TAFA4: variants seen among roughly 807,000 people sequenced by gnomAD.
TAFA4 encodes the protein TAFA chemokine like family member 4.
Under a neutral mutation model 21.1 loss-of-function variants are expected in TAFA4, and 20 were observed. The ratio of observed to expected loss-of-function variants is 0.95; its 90% confidence interval spans 0.67 to 1.38. The LOEUF (loss-of-function observed/expected upper bound fraction) is 1.38. TAFA4 is among the 40% of genes most tolerant of loss of function. The pLI is 0.00. For synonymous variants in TAFA4, 71 were observed against 67.4 expected (o/e 1.05, Z -0.26); for missense variants, 211 against 180.9 (o/e 1.17, Z -0.95).
intron 3 of TAFA4, among the ~76,000 whole-genome samples, chr3:68,863,236 A>T (rs965679572): frequency 4.6e-5 from 7 of 152,010 alleles, no homozygotes; most frequent in Non-Finnish European, 8.8e-5. Context: ...ACAGAGTGAG[A>T]CCCTGTCTCA....
chr3:68,759,965 C>A (rs1024302070), intron 3 of TAFA4, among the ~76,000 whole-genome samples: 4 of 152,106 alleles, frequency 2.6e-5, no homozygotes, highest in Admixed American at 2.6e-4. Context: ...AGAGACTGTT[C>A]TTGGTGCTCT....
chr3:68,831,608 C>G lies in TAFA4; in HGVS notation c.130+49122G>C, dbSNP rs376585662. On this transcript the variant is annotated intron_variant, in intron 3 of 5. Coordinates refer to ENST00000295569, the MANE Select transcript of TAFA4 (RefSeq NM_182522.5). ...TAACCCGACCTTTCTCTCTGGCTGC[C>G]CTTAACATTTTTTCCTTCATTTCAA... Among the ~76,000 whole-genome samples, 30 of 152,174 alleles carry G rather than the reference C, an allele frequency of 2.0e-4. 1 individual carries two copies. The highest frequency in any genetic ancestry group is 1.9e-3 in the South Asian group (9 of 4,818).
intron 3 of TAFA4, among the ~76,000 whole-genome samples, chr3:68,757,200 G>A (rs1346175646): frequency 6.6e-6 from 1 of 152,056 alleles, no homozygotes; most frequent in Non-Finnish European, 1.5e-5. Context: ...TTCAATTCTT[G>A]GTGAGCGCTC....
intron 3 of TAFA4, among the ~76,000 whole-genome samples, chr3:68,791,463 C>T (rs1703359740): frequency 1.3e-5 from 2 of 152,132 alleles, no homozygotes; most frequent in African/African-American, 4.8e-5. Context: ...CATAGCCCTG[C>T]CAACACCCTG....
intron 3 of TAFA4, among the ~76,000 whole-genome samples, chr3:68,768,021 A>T (rs759540713): frequency 5.7e-4 from 87 of 152,260 alleles, no homozygotes; most frequent in Non-Finnish European, 1.1e-3. Flanking sequence ...ACATGCACAC[A>T]CAACTTGTTA....
intron 1 of TAFA4, among the ~76,000 whole-genome samples, chr3:68,905,899 TC>T (rs2089896232): frequency 6.6e-6 from 1 of 152,242 alleles, no homozygotes; most frequent in Non-Finnish European, 1.5e-5. Context: ...TTTGTTGCTT[TC>T]TTTGTTTCTT....
chr3:68,929,089 G>T (rs4315691), intron 1 of TAFA4, among the ~76,000 whole-genome samples: 4 of 151,876 alleles, frequency 2.6e-5, no homozygotes, highest in African/African-American at 9.7e-5. Flanking sequence ...ATACCAAATA[G>T]ATGGGAAGTC....
intron 1 of TAFA4, among the ~76,000 whole-genome samples, chr3:68,895,504 T>G (rs1283527440): frequency 6.6e-6 from 1 of 152,176 alleles, no homozygotes; most frequent in African/African-American, 2.4e-5. Flanking sequence ...TGTTTTGTTT[T>G]GATTTGATTA....
At chr3:68,759,640 A>T (rs1702725279) in intron 3 of TAFA4, among the ~76,000 whole-genome samples, 1 of 152,200 alleles carries the variant, frequency 6.6e-6, no homozygotes, top group African/African-American at 2.4e-5. Flanking sequence ...AACTGAAGCT[A>T]AATATTGAGA....
At chr3:68,914,844 C>T (rs1055374830) in intron 1 of TAFA4, among the ~76,000 whole-genome samples, 10 of 152,038 alleles carry the variant, frequency 6.6e-5, no homozygotes, top group Non-Finnish European at 2.9e-5. Flanking sequence ...ATCGTGTTGA[C>T]CTTCCCAAAT....
intron 3 of TAFA4, among the ~76,000 whole-genome samples, chr3:68,833,778 C>A (rs1704456253): frequency 6.6e-6 from 1 of 152,146 alleles, no homozygotes; most frequent in African/African-American, 2.4e-5. Context: ...ATGAACTGAT[C>A]ACCCCTTTCA....
chr3:68,804,737 C>A (rs369593942), intron 3 of TAFA4, among the ~76,000 whole-genome samples: 6 of 152,044 alleles, frequency 3.9e-5, no homozygotes, highest in East Asian at 1.9e-4. Context: ...TGCTGGGAAA[C>A]CTGGCTAGCC....
chr3:68,794,626 A>T (rs1703421783), intron 3 of TAFA4, among the ~76,000 whole-genome samples: 1 of 152,128 alleles, frequency 6.6e-6, no homozygotes, highest in African/African-American at 2.4e-5. Context: ...TGATCTCACT[A>T]GTGAACGGCT....
rs71302156 is a variant in TAFA4 at position 68,825,902 on chromosome 3, T to C, written c.130+54828A>G. On this transcript the variant is annotated intron_variant, in intron 3 of 5. Coordinates refer to ENST00000295569, the MANE Select transcript of TAFA4 (RefSeq NM_182522.5). ...AAGTAAAACTTCATCAGTTCAAACA[T>C]GATTCAGGCAGAGAGCAACACTGTC... Among the ~76,000 whole-genome samples, 468 of 152,266 alleles carry C rather than the reference T, an allele frequency of 3.1e-3. 1 individual carries two copies. Among genetic ancestry groups the C allele is most frequent in the Non-Finnish European group, 5.3e-3 (360 of 68,022 alleles).
intron 3 of TAFA4, among the ~76,000 whole-genome samples, chr3:68,753,582 T>G (rs1702602690): frequency 1.3e-5 from 2 of 152,124 alleles, no homozygotes; most frequent in Non-Finnish European, 2.9e-5. Context: ...GTGATCTGCC[T>G]GCCTCAGCCT....
chr3:68,917,473 G>A (rs9844873), intron 1 of TAFA4, among the ~76,000 whole-genome samples: 2 of 151,818 alleles, frequency 1.3e-5, no homozygotes, highest in South Asian at 4.2e-4. Context: ...TCCCAGGAAC[G>A]ACCGGGCATG....
rs564272182 is a variant in TAFA4, at chr3:68,850,478, C to T, written c.130+30252G>A. On this transcript the variant is annotated intron_variant, in intron 3 of 5. Coordinates refer to ENST00000295569, the MANE Select transcript of TAFA4 (RefSeq NM_182522.5). Reference sequence around the variant, plus strand: ...CTTAGAGGAATCACAATACTGTCTTCCACAATGGTTGAACTAATTTACACT... The same window carrying T: ...CTTAGAGGAATCACAATACTGTCTTTCACAATGGTTGAACTAATTTACACT... Among the ~76,000 whole-genome samples, 170 of 152,284 alleles carry T rather than the reference C, an allele frequency of 1.1e-3. 1 individual carries two copies. The highest frequency in any genetic ancestry group is 2.1e-3 in the Non-Finnish European group (143 of 68,020).
intron 4 of TAFA4, among the ~76,000 whole-genome samples, chr3:68,747,861 C>G (rs1242628273): frequency 6.6e-6 from 1 of 152,194 alleles, no homozygotes; most frequent in African/African-American, 2.4e-5. Flanking sequence ...TAAAATTTGA[C>G]TTATTCTAAG....
At chr3:68,919,510 A>G (rs1002699109) in intron 1 of TAFA4, among the ~76,000 whole-genome samples, 1 of 152,204 alleles carries the variant, frequency 6.6e-6, no homozygotes, top group African/African-American at 2.4e-5. Context: ...ATGATGATGC[A>G]TACCTTGCAC....
Sources: allele counts gnomAD v4.1 joint callset (sites outside exome capture counted in the v4.1 genomes callset), GRCh38; gene constraint gnomAD v4.1.1; transcripts MANE v1.5; gene names NCBI Gene and HGNC (gene_info 2026-07-23, HGNC 2026-07-21).